Variants in SLC27A6 observed in about 807,000 individuals in gnomAD.
SLC27A6 encodes the protein long-chain fatty acid transport protein 6.
A neutral mutation model predicts 63.9 loss-of-function variants in SLC27A6; 74 were observed. The ratio of observed to expected loss-of-function variants is 1.16; its 90% CI spans 0.96 to 1.40. The LOEUF (loss-of-function observed/expected upper bound fraction) is 1.40. SLC27A6 is among the 40% of genes most tolerant of loss of function. SLC27A6 has a pLI of 0.00. For missense variants in SLC27A6, 794 were observed against 732.9 expected, an observed-to-expected ratio of 1.08 and a Z score of -0.96; for synonymous variants, 287 against 260.8, an observed-to-expected ratio of 1.10 and a Z score of -0.97.
chr5:128,985,415 G>T, intron 2 of SLC27A6, 79 bp downstream of exon 2: 1 of 1,150,534 alleles, frequency 8.7e-7, no homozygotes, highest in Non-Finnish European at 1.3e-6. Flanking sequence ...TTTCTACCAT[G>T]TGTAGTGACC....
chr5:128,985,082 T>G, intron 1 of SLC27A6, 51 bp from the exon 2 acceptor site: 1 of 1,325,100 alleles, frequency 7.5e-7, no homozygotes, highest in Non-Finnish European at 1.1e-6. Context: ...CCAAAGTGAA[T>G]TGTTTGAGAT....
Position 129,016,059 on chromosome 5 carries a change from A to G in SLC27A6, c.1144A>G (p.Arg382Gly), listed in dbSNP as rs1225539528. The stretch of plus-strand genomic sequence containing the variant: ...CACTGGGAGAATTGGAGCAATTGGG[A>G]GAACAAATTTGTTTTACAAAGTAAG... ...NYTGRIGAIG[R>G]TNLFYKLLST... Residue 382 changes from arginine to glycine, a missense_variant, in exon 5 of 10, where the codon AGA becomes GGA. Coordinates refer to ENST00000262462, the MANE Select transcript of SLC27A6 (RefSeq NM_001017372.3). 1 of 1,589,488 alleles carries G rather than the reference A, an allele frequency of 6.3e-7. No homozygotes were observed. Among genetic ancestry groups the G allele is most frequent in the East Asian group, 2.3e-5 (1 of 44,296 alleles).
Position 128,982,774 on chromosome 5 carries a change from G to A in SLC27A6, c.482-2359G>A, listed in dbSNP as rs11951030. The stretch of plus-strand genomic sequence containing the variant: ...TTGCCAAAGCAATCTATATACAGCA[G>A]CATGATGTGTGTGTGTTAAGTAGAG... On this transcript the variant is annotated intron_variant, in intron 1 of 9. Coordinates refer to ENST00000262462, the MANE Select transcript of SLC27A6 (RefSeq NM_001017372.3). 3.7e-3 allele frequency among the ~76,000 whole-genome samples: 571 copies of A among 152,268 alleles called. 1 individual carries two copies. The highest frequency in any genetic ancestry group is 0.013 in the African/African-American group (535 of 41,552).
At chr5:128,971,647 A>G (rs1750168448) in intron 1 of SLC27A6, among the ~76,000 whole-genome samples, 1 of 151,516 alleles carries the variant, frequency 6.6e-6, no homozygotes, top group South Asian at 2.1e-4. Flanking sequence ...TTTTGAGCCT[A>G]TAGTGTGTCT....
intron 4 of SLC27A6, among the ~76,000 whole-genome samples, chr5:128,996,655 A>G (rs191839678): frequency 6.6e-6 from 1 of 152,194 alleles, no homozygotes; most frequent in African/African-American, 2.4e-5. Context: ...GAAGTGATTT[A>G]TGGCAGTGTG....
At chr5:128,979,481 G>C (rs257900) in intron 1 of SLC27A6, among the ~76,000 whole-genome samples, 100,214 of 151,946 alleles carry the variant, frequency 0.66, 33,762 homozygotes, top group East Asian at 0.88. Flanking sequence ...TATTCACTGC[G>C]TTTTAAAAAT....
At chr5:129,012,224 G>A (rs1221517690) in intron 4 of SLC27A6, among the ~76,000 whole-genome samples, 2 of 151,104 alleles carry the variant, frequency 1.3e-5, no homozygotes, top group Non-Finnish European at 3.0e-5. Flanking sequence ...TTACCCATGG[G>A]TTGTTTAAAG....
rs1425261786 is a variant in SLC27A6 at position 129,027,246 on chromosome 5, G to T, written c.1369G>T (p.Asp457Tyr). ...KLLCDVFKKGDVYLNTGDLIV... is the reference protein window; with the variant it reads ...KLLCDVFKKGYVYLNTGDLIV... ...GCTTTGTGATGTTTTTAAGAAGGGA[G>T]ATGTTTACCTTAATACTGGAGACTT... is the stretch of plus-strand genomic sequence containing the variant. The change falls in exon 7 of 10, where the codon GAT (aspartate) becomes TAT (tyrosine). Residue 457 changes from aspartate to tyrosine, a missense_variant. By Grantham distance (160) the Asp-to-Tyr change is radical (BLOSUM62 -3). Coordinates refer to ENST00000262462, the MANE Select transcript of SLC27A6 (RefSeq NM_001017372.3). 1.2e-6 allele frequency: 2 copies of T among 1,613,160 alleles called. No homozygotes were observed. Among genetic ancestry groups the T allele is most frequent in the Non-Finnish European group, 1.7e-6 (2 of 1,179,250 alleles).
Position 128,966,550 on chromosome 5 carries a change from A to C in SLC27A6, c.413A>C (p.Asn138Thr). Reference sequence around the variant, plus strand: ...TGCGTGGTGGCCTTTCTCAACACCAACATTCGCTCCAACTCCCTCCTGAAT... The same window carrying C: ...TGCGTGGTGGCCTTTCTCAACACCACCATTCGCTCCAACTCCCTCCTGAAT... Reference protein sequence around the residue: ...LGCVVAFLNTNIRSNSLLNCI... With the variant: ...LGCVVAFLNTTIRSNSLLNCI... The change falls in exon 1 of 10, where the codon AAC (asparagine) becomes ACC (threonine). Residue 138 changes from asparagine (N) to threonine (T), a missense_variant. Coordinates refer to ENST00000262462, the MANE Select transcript of SLC27A6 (RefSeq NM_001017372.3). 16 of 1,579,666 alleles carry C rather than the reference A, an allele frequency of 1.0e-5. No homozygotes were observed. Among genetic ancestry groups the C allele is most frequent in the Non-Finnish European group, 1.4e-5 (16 of 1,166,932 alleles).
chr5:129,007,461 AAAAAT>A (rs1419530924), intron 4 of SLC27A6, among the ~76,000 whole-genome samples: 11 of 147,650 alleles, frequency 7.5e-5, no homozygotes, highest in African/African-American at 1.5e-4. Flanking sequence ...AAAAAAAAAA[AAAAAT>A]ATAATGTTAA....
chr5:128,974,582 A>G (rs183166696), intron 1 of SLC27A6, among the ~76,000 whole-genome samples: 1 of 152,308 alleles, frequency 6.6e-6, no homozygotes, highest in East Asian at 1.9e-4. Flanking sequence ...AGCACATTAA[A>G]TTTCAGATTT....
chr5:129,006,279 AC>A (rs1211497250), intron 4 of SLC27A6, among the ~76,000 whole-genome samples: 1 of 150,822 alleles, frequency 6.6e-6, no homozygotes, highest in Non-Finnish European at 1.5e-5. Flanking sequence ...TTTAGTAGAG[AC>A]GGGGTTTCAC....
At position 128,985,314 on chromosome 5, in the gene SLC27A6, C is replaced by T. The variant is rs777493797; in HGVS notation, c.663C>T (p.Tyr221=). Residue 221 remains tyrosine, a synonymous_variant, in exon 2 of 10, where the codon TAC becomes TAT. Transcript: ENST00000262462. ...VVSLLKSTCL[Y]IFTSGTTGLP... Reference sequence around the variant, plus strand: ...CACTCCTCAAGTCTACTTGTCTTTACATTTTTACCTCTGGAACAACAGGTA... The same window carrying T: ...CACTCCTCAAGTCTACTTGTCTTTATATTTTTACCTCTGGAACAACAGGTA... The T allele has an allele frequency of 6.2e-7, 1 of 1,614,020 alleles. No individual in the cohort carries two copies. The highest frequency in any genetic ancestry group is 1.1e-5 in the South Asian group (1 of 91,078).
At chr5:128,973,157 G>A (rs921328513) in intron 1 of SLC27A6, among the ~76,000 whole-genome samples, 12 of 152,164 alleles carry the variant, frequency 7.9e-5, no homozygotes, top group Non-Finnish European at 1.5e-4. Flanking sequence ...TCTCAGAGGG[G>A]CACCTGCTTG....
intron 4 of SLC27A6, among the ~76,000 whole-genome samples, chr5:129,010,554 G>A (rs1751695468): frequency 6.6e-6 from 1 of 152,172 alleles, no homozygotes; most frequent in Admixed American, 6.5e-5. Context: ...GAAAATGACA[G>A]GAACTCAATG....
chr5:128,979,697 AT>A (rs1750517845), intron 1 of SLC27A6, among the ~76,000 whole-genome samples: 1 of 152,108 alleles, frequency 6.6e-6, no homozygotes, highest in Admixed American at 6.6e-5. Context: ...TCTTTTTTGT[AT>A]AATTTTGGTT....
chr5:129,004,071 G>A (rs1224510710), intron 4 of SLC27A6, among the ~76,000 whole-genome samples: 1 of 151,624 alleles, frequency 6.6e-6, no homozygotes, highest in African/African-American at 2.4e-5. Flanking sequence ...TCAAAAAACA[G>A]CTCATTGGCT....
intron 9 of SLC27A6, among the ~76,000 whole-genome samples, chr5:129,032,457 T>C (rs763286282): frequency 3.1e-4 from 47 of 151,998 alleles, no homozygotes; most frequent in Non-Finnish European, 5.7e-4. Flanking sequence ...AAAAACCCAA[T>C]TTTGCAAAGA....
At chr5:129,027,064 G>A in intron 6 of SLC27A6, 69 bp from the exon 7 acceptor site, 2 of 1,258,552 alleles carry the variant, frequency 1.6e-6, no homozygotes, top group Admixed American at 1.7e-5. Context: ...ATATAATATA[G>A]ATACATTCAT....
Sources: gnomAD v4.1 joint callset for allele counts (sites outside exome capture counted in the v4.1 genomes callset) on GRCh38, gnomAD v4.1.1 for gene constraint, MANE v1.5 for transcripts, NCBI Gene and HGNC (gene_info 2026-07-23, HGNC 2026-07-21) for gene names.